Variants in LTBP2 observed in about 807,000 individuals in gnomAD.
The protein encoded by LTBP2 is latent-transforming growth factor beta-binding protein 2.
LTBP2 carries 103 observed loss-of-function variants against 210.6 expected under a neutral mutation model. The observed-to-expected ratio is 0.49, with a 90% CI of 0.42 to 0.58. LTBP2 has a LOEUF of 0.58. LTBP2 is among the 20% of genes least tolerant of loss of function. The pLI is 0.00. For synonymous variants in LTBP2, 1,007 were observed against 1,015.0 expected, an observed-to-expected ratio of 0.99 and a Z score of 0.15; for missense variants, 2,313 against 2,494.5, an observed-to-expected ratio of 0.93 and a Z score of 1.55.
chr14:74,541,793 G>C (rs1287657224), intron 8 of LTBP2, among the ~76,000 whole-genome samples: 2 of 152,090 alleles, frequency 1.3e-5, no homozygotes, highest in Non-Finnish European at 2.9e-5. Context: ...TACTCAGAAG[G>C]AGGTCAGAAG....
At chr14:74,501,145 A>T (rs1175314397) in intron 35 of LTBP2, 116 bp from the exon 36 acceptor site, 3 of 1,316,008 alleles carry the variant, frequency 2.3e-6, no homozygotes, top group Non-Finnish European at 3.2e-6. Flanking sequence ...TAAGTGTGAC[A>T]GCCAGAGGCT....
intron 10 of LTBP2, 33 bp from the exon 11 acceptor site, chr14:74,529,155 G>A (rs1196421424): frequency 6.4e-7 from 1 of 1,550,866 alleles, no homozygotes. Context: ...AGGTGGGCAG[G>A]TGGCCAGTGG....
rs765072306 is a variant in LTBP2 at position 74,521,998 on chromosome 14, G to A, written c.2701C>T (p.Arg901Cys). ...TAGGACCCCACGCGGTTGATGCAGCGCCCTTTTCCCTTGCAGGGGTCCCTC... is the reference window on the plus strand; with the variant it reads ...TAGGACCCCACGCGGTTGATGCAGCACCCTTTTCCCTTGCAGGGGTCCCTC... ...CLRDPCKGKG[R>C]CINRVGSYSC... The change falls in exon 17 of 36, where the codon CGC becomes TGC. Residue 901 changes from arginine (R) to cysteine (C), a missense_variant. Transcript: ENST00000261978. 1.1e-5 allele frequency: 18 copies of A among 1,613,892 alleles called. No individual in the cohort carries two copies. Among genetic ancestry groups the A allele is most frequent in the Non-Finnish European group, 1.4e-5 (16 of 1,179,940 alleles).
chr14:74,538,063 AT>A (rs2087445943), intron 8 of LTBP2, among the ~76,000 whole-genome samples: 1 of 152,114 alleles, frequency 6.6e-6, no homozygotes, highest in African/African-American at 2.4e-5. Context: ...CCTTTCATAT[AT>A]TTTTATTGTT....
At chr14:74,510,034 G>A (rs2087049653) in intron 20 of LTBP2, 57 bp downstream of exon 20, 1 of 1,613,296 alleles carries the variant, frequency 6.2e-7, no homozygotes, top group African/African-American at 1.3e-5. Context: ...GTGCAGAGGG[G>A]AGGGAGCCAC....
intron 3 of LTBP2, among the ~76,000 whole-genome samples, chr14:74,557,176 A>G (rs55762670): frequency 0.42 from 63,617 of 152,012 alleles, 14,314 homozygotes; most frequent in Non-Finnish European, 0.51. Flanking sequence ...GCTGAGAATC[A>G]CTTGAACCTA....
chr14:74,540,270 C>T (rs547156619), intron 8 of LTBP2, among the ~76,000 whole-genome samples: 4 of 151,884 alleles, frequency 2.6e-5, no homozygotes, highest in East Asian at 2.0e-4. Context: ...CTCTGGAACT[C>T]GAGACCAGCC....
intron 3 of LTBP2, among the ~76,000 whole-genome samples, chr14:74,561,154 C>T (rs1228542803): frequency 1.3e-5 from 2 of 152,056 alleles, no homozygotes; most frequent in Non-Finnish European, 2.9e-5. Context: ...CCTGTCTCTA[C>T]TAAAAATACA....
intron 1 of LTBP2, 41 bp downstream of exon 1, chr14:74,611,410 C>T: frequency 1.4e-6 from 2 of 1,418,080 alleles, no homozygotes; most frequent in Non-Finnish European, 1.8e-6. Flanking sequence ...TGAGCCCTGG[C>T]TCCCCTCTGT....
chr14:74,503,780 C>G, intron 31 of LTBP2, 146 bp downstream of exon 31: 1 of 1,417,690 alleles, frequency 7.1e-7, no homozygotes, highest in East Asian at 2.5e-5. Flanking sequence ...GCCCACAGCT[C>G]CTTCACCTGG....
chr14:74,500,870 C>T lies in LTBP2; in HGVS notation c.*14G>A, dbSNP rs2086900223. ...AGGCCATTTCCAGGTAGTTGCCACA[C>T]TGACCCCTGACTGCTACTCCTTGGC... On this transcript the variant is annotated 3_prime_UTR_variant, in exon 36 of 36. Transcript: ENST00000261978. The T allele has an allele frequency of 6.2e-7, 1 of 1,613,694 alleles. No homozygotes were observed. The highest frequency in any genetic ancestry group is 8.5e-7 in the Non-Finnish European group (1 of 1,180,014).
intron 3 of LTBP2, among the ~76,000 whole-genome samples, chr14:74,579,112 C>T (rs1370054107): frequency 6.6e-6 from 1 of 152,234 alleles, no homozygotes; most frequent in African/African-American, 2.4e-5. Flanking sequence ...CCACCTCTGC[C>T]TCCCAAAGTG....
chr14:74,599,582 C>A (rs1458992541), intron 2 of LTBP2, among the ~76,000 whole-genome samples: 1 of 152,218 alleles, frequency 6.6e-6, no homozygotes, highest in Admixed American at 6.5e-5. Context: ...ACACATAAGT[C>A]CCGAGAGAGA....
chr14:74,503,774 A>T, intron 31 of LTBP2, 152 bp downstream of exon 31: 2 of 1,408,198 alleles, frequency 1.4e-6, no homozygotes, highest in Non-Finnish European at 1.9e-6. Flanking sequence ...CTGACAGCCC[A>T]CAGCTCCTTC....
chr14:74,561,025 T>G (rs926278666), intron 3 of LTBP2, among the ~76,000 whole-genome samples: 4 of 152,124 alleles, frequency 2.6e-5, no homozygotes, highest in African/African-American at 9.7e-5. Context: ...CTAAAAAAAA[T>G]TTAAGAGTGT....
At chr14:74,571,822 C>A (rs1052735200) in intron 3 of LTBP2, among the ~76,000 whole-genome samples, 5 of 152,184 alleles carry the variant, frequency 3.3e-5, no homozygotes, top group African/African-American at 1.2e-4. Context: ...TAGGCGACAT[C>A]TGGAAGCAGA....
At chr14:74,598,884 C>T (rs977229316) in intron 2 of LTBP2, among the ~76,000 whole-genome samples, 3 of 152,198 alleles carry the variant, frequency 2.0e-5, no homozygotes, top group Admixed American at 2.0e-4. Context: ...GCTAAGCCCT[C>T]GCACTCTGGA....
chr14:74,555,096 T>TCTGTTTCCTC (rs113201774), intron 4 of LTBP2, among the ~76,000 whole-genome samples: 15,084 of 151,976 alleles, frequency 0.099, 1,068 homozygotes, highest in African/African-American at 0.2. Context: ...CCACAGAGAT[T>TCTGTTTCCTC]CTGTGGGAAG....
chr14:74,529,449 C>T lies in LTBP2; in HGVS notation c.1988-327G>A, dbSNP rs919121991. Among the ~76,000 whole-genome samples the T allele has an allele frequency of 3.9e-4, 59 of 152,334 alleles. 1 individual carries two copies. The highest frequency in any genetic ancestry group is 1.3e-4 in the Non-Finnish European group (9 of 68,030). ...TTAGAAGTGTTTACTGAAGGCCCCACGTGTCCCTAGGGTTGAGCGGGCAGC... is the reference window on the plus strand; with the variant it reads ...TTAGAAGTGTTTACTGAAGGCCCCATGTGTCCCTAGGGTTGAGCGGGCAGC... On this transcript the variant is annotated intron_variant, in intron 10 of 35. Coordinates refer to ENST00000261978, the MANE Select transcript of LTBP2 (RefSeq NM_000428.3).
Sources: allele counts gnomAD v4.1 joint callset (sites outside exome capture counted in the v4.1 genomes callset), GRCh38; gene constraint gnomAD v4.1.1; transcripts MANE v1.5; gene names NCBI Gene and HGNC (gene_info 2026-07-23, HGNC 2026-07-21).